Variants in SIPA1L3 observed in about 807,000 individuals in gnomAD.
SIPA1L3 encodes signal-induced proliferation-associated 1-like protein 3.
A neutral mutation model predicts 150.1 loss-of-function variants in SIPA1L3; 59 were observed. The observed-to-expected ratio is 0.39, with a 90% CI of 0.32 to 0.49. SIPA1L3 has a LOEUF of 0.49. Ranked by LOEUF, SIPA1L3 falls within the 20% of genes least tolerant of loss-of-function variation. The pLI is 0.86. For synonymous variants in SIPA1L3, 1,070 were observed against 1,077.6 expected (o/e 0.99, Z 0.14); for missense variants, 2,211 against 2,489.5 (o/e 0.89, Z 2.38).
chr19:37,924,340 G>A (rs1318171256), intron 1 of SIPA1L3, among the ~76,000 whole-genome samples: 1 of 151,486 alleles, frequency 6.6e-6, no homozygotes, highest in East Asian at 1.9e-4. Flanking sequence ...CACACGTGGA[G>A]CTGTCACTTC....
chr19:38,163,686 C>T (rs553359508), intron 14 of SIPA1L3, among the ~76,000 whole-genome samples: 3 of 151,940 alleles, frequency 2.0e-5, no homozygotes, highest in Admixed American at 1.3e-4. Context: ...GAGGCCCTGA[C>T]GGGGAGTGCC....
chr19:38,065,381 A>G (rs1969548601), intron 2 of SIPA1L3, among the ~76,000 whole-genome samples: 2 of 137,854 alleles, frequency 1.5e-5, no homozygotes, highest in Admixed American at 7.3e-5. Flanking sequence ...GGTGACTCTC[A>G]CTCTGCTCAT....
chr19:37,966,463 C>T (rs62120128), intron 1 of SIPA1L3, among the ~76,000 whole-genome samples: 8,157 of 152,224 alleles, frequency 0.054, 262 homozygotes, highest in East Asian at 0.11. Flanking sequence ...CAGCATGGAG[C>T]GGTGGGTCTC....
rs541300064 is a variant in SIPA1L3, at chr19:38,093,544, G to A, written c.1665+4693G>A. 6.6e-5 allele frequency among the ~76,000 whole-genome samples: 10 copies of A among 152,314 alleles called. No homozygotes were observed. In the East Asian group the frequency reaches 1.4e-3, roughly 21 times the overall value. ...TATGATCGGCACCACTGTTGCAGCC[G>A]ATGTTCCTTCCCAGGAGGTCAGAGC... On this transcript the variant is annotated intron_variant, in intron 4 of 21. Transcript: ENST00000222345.
At chr19:37,950,738 G>T (rs2046756301) in intron 1 of SIPA1L3, among the ~76,000 whole-genome samples, 1 of 152,196 alleles carries the variant, frequency 6.6e-6, no homozygotes, top group Non-Finnish European at 1.5e-5. Flanking sequence ...GCCCTCCCAG[G>T]TCTGATCCGC....
At position 38,075,194 on chromosome 19, in the gene SIPA1L3, C is replaced by T. The variant is rs180873358; in HGVS notation, c.-310-6062C>T. ...ACTATTTACTGGGCGTGGTGGCTCA[C>T]GCCTATAATCCTAGCACTTTGGGAG... On this transcript the variant is annotated intron_variant, in intron 2 of 21. Transcript: ENST00000222345. 3.7e-3 allele frequency among the ~76,000 whole-genome samples: 569 copies of T among 152,164 alleles called. 3 individuals are homozygous for T. The highest frequency in any genetic ancestry group is 0.011 in the African/African-American group (477 of 41,508).
At chr19:38,194,729 A>G (rs1199563603) in intron 18 of SIPA1L3, among the ~76,000 whole-genome samples, 1 of 152,140 alleles carries the variant, frequency 6.6e-6, no homozygotes, top group Non-Finnish European at 1.5e-5. Context: ...TGGGAATTTT[A>G]TGAAGGGCAG....
At chr19:38,077,150 G>C (rs969240614) in intron 2 of SIPA1L3, among the ~76,000 whole-genome samples, 2 of 152,164 alleles carry the variant, frequency 1.3e-5, no homozygotes, top group Non-Finnish European at 2.9e-5. Context: ...CCAGATGCCA[G>C]TGAGAAAGTC....
chr19:37,965,516 A>G (rs752158474), intron 1 of SIPA1L3, among the ~76,000 whole-genome samples: 3 of 151,890 alleles, frequency 2.0e-5, no homozygotes, highest in Non-Finnish European at 4.4e-5. Flanking sequence ...GGGTTTCACC[A>G]TGTTGGCCAG....
In SIPA1L3 at chr19:37,949,864, G is replaced by A. The variant is rs981740017; in HGVS notation, c.-379+42506G>A. On this transcript the variant is annotated intron_variant, in intron 1 of 21. Coordinates refer to ENST00000222345, the MANE Select transcript of SIPA1L3 (RefSeq NM_015073.3). Reference sequence around the variant, plus strand: ...GAGGCCAAGGCAGGCGGATCACAAGGTCAAGAGATTGAAACCATCCTGGCC... The same window carrying A: ...GAGGCCAAGGCAGGCGGATCACAAGATCAAGAGATTGAAACCATCCTGGCC... Among the ~76,000 whole-genome samples, 10 of 152,182 alleles carry A rather than the reference G, an allele frequency of 6.6e-5. No individual in the cohort carries two copies. In the South Asian group the frequency reaches 1.2e-3, roughly 19 times the overall value.
chr19:38,188,867 G>A (rs1446612110), intron 16 of SIPA1L3, among the ~76,000 whole-genome samples: 1 of 151,208 alleles, frequency 6.6e-6, no homozygotes, highest in African/African-American at 2.4e-5. Context: ...AGCTTGCAGT[G>A]AGCCAAGATT....
At chr19:37,978,461 T>A (rs947490358) in intron 1 of SIPA1L3, among the ~76,000 whole-genome samples, 2 of 152,156 alleles carry the variant, frequency 1.3e-5, no homozygotes, top group African/African-American at 4.8e-5. Context: ...CAATGGCCCA[T>A]GAAGCCAGTA....
intron 14 of SIPA1L3, among the ~76,000 whole-genome samples, chr19:38,162,987 G>A (rs987569822): frequency 1.3e-5 from 2 of 152,250 alleles, no homozygotes; most frequent in Non-Finnish European, 2.9e-5. Context: ...TGGGGATGTA[G>A]TCCTGTGTGT....
intron 1 of SIPA1L3, among the ~76,000 whole-genome samples, chr19:37,935,996 C>T (rs1001183332): frequency 6.6e-6 from 1 of 152,126 alleles, no homozygotes; most frequent in Non-Finnish European, 1.5e-5. Flanking sequence ...ACCTTACCCT[C>T]TCTCTGCTGC....
chr19:38,198,669 G>A (rs994096699), intron 19 of SIPA1L3, 137 bp downstream of exon 19: 54 of 873,342 alleles, frequency 6.2e-5, no homozygotes, highest in African/African-American at 1.0e-4. Context: ...GTCCTGCCCC[G>A]TCACTTGCTT....
chr19:38,090,452 G>A (rs1031290364), intron 4 of SIPA1L3, among the ~76,000 whole-genome samples: 9 of 152,190 alleles, frequency 5.9e-5, no homozygotes, highest in East Asian at 1.9e-4. Context: ...GAAACTGCCC[G>A]GTCTAGCATG....
intron 2 of SIPA1L3, among the ~76,000 whole-genome samples, chr19:38,058,099 G>C (rs1969363692): frequency 6.6e-6 from 1 of 152,130 alleles, no homozygotes; most frequent in African/African-American, 2.4e-5. Context: ...CTCCTGGAGA[G>C]CCATTTTCCT....
intron 1 of SIPA1L3, among the ~76,000 whole-genome samples, chr19:37,973,185 G>T (rs1966983337): frequency 6.6e-6 from 1 of 151,286 alleles, no homozygotes; most frequent in Non-Finnish European, 1.5e-5. Flanking sequence ...GCACCTGCCA[G>T]AGGAGTTAGT....
intron 1 of SIPA1L3, among the ~76,000 whole-genome samples, chr19:37,965,150 T>C (rs1366466395): frequency 6.6e-6 from 1 of 152,182 alleles, no homozygotes; most frequent in Non-Finnish European, 1.5e-5. Flanking sequence ...TCATCTGTTT[T>C]CTGGCAAGGG....
Sources: allele counts gnomAD v4.1 joint callset (sites outside exome capture counted in the v4.1 genomes callset), GRCh38; gene constraint gnomAD v4.1.1; transcripts MANE v1.5; gene names NCBI Gene and HGNC (gene_info 2026-07-23, HGNC 2026-07-21).